Variants in CHODL observed in about 807,000 individuals in gnomAD.
The protein encoded by CHODL is chondrolectin.
Under a neutral mutation model 34.5 loss-of-function variants are expected in CHODL, and 29 were observed. The ratio of observed to expected loss-of-function variants is 0.84; its 90% CI spans 0.63 to 1.15. The LOEUF (loss-of-function observed/expected upper bound fraction) is 1.15. Ranked by LOEUF, CHODL falls within the 50% of genes most tolerant of loss-of-function variation. The pLI is 0.00. For missense variants in CHODL, 332 were observed against 332.5 expected (o/e 1.00, Z 0.01); for synonymous variants, 125 against 116.1 (o/e 1.08, Z -0.49).
chr21:18,216,721 C>T (rs2073832612), intron 2 of CHODL, among the ~76,000 whole-genome samples: 1 of 152,160 alleles, frequency 6.6e-6, no homozygotes, highest in African/African-American at 2.4e-5. Context: ...AATCAGGAAA[C>T]TTACAATTAT....
chr21:18,034,275 TAA>T (rs1328712877), intron 2 of CHODL, among the ~76,000 whole-genome samples: 3 of 152,170 alleles, frequency 2.0e-5, no homozygotes, highest in East Asian at 3.9e-4. Flanking sequence ...TTAGAAAACA[TAA>T]GAGTTTCTCT....
chr21:17,972,736 C>T (rs2063625473), intron 1 of CHODL, among the ~76,000 whole-genome samples: 1 of 152,162 alleles, frequency 6.6e-6, no homozygotes, highest in African/African-American at 2.4e-5. Flanking sequence ...TTTATAGATT[C>T]AATGCCATCC....
intron 2 of CHODL, among the ~76,000 whole-genome samples, chr21:18,161,316 C>T (rs1290454566): frequency 1.3e-5 from 2 of 152,140 alleles, no homozygotes; most frequent in Admixed American, 6.5e-5. Flanking sequence ...CTGATATTTG[C>T]AGAGTTTAAT....
At chr21:17,931,902 T>C (rs1179138448) in intron 1 of CHODL, among the ~76,000 whole-genome samples, 1 of 152,134 alleles carries the variant, frequency 6.6e-6, no homozygotes, top group African/African-American at 2.4e-5. Flanking sequence ...AGGCAAAACA[T>C]TTATGACTAA....
chr21:18,155,334 T>C (rs2073022659), intron 2 of CHODL, among the ~76,000 whole-genome samples: 1 of 152,196 alleles, frequency 6.6e-6, no homozygotes, highest in Non-Finnish European at 1.5e-5. Flanking sequence ...GAACCTGTCC[T>C]TGCAAACTCA....
chr21:18,261,410 A>T (rs1344329822), intron 4 of CHODL, among the ~76,000 whole-genome samples: 5 of 152,080 alleles, frequency 3.3e-5, no homozygotes, highest in Non-Finnish European at 1.5e-5. Flanking sequence ...TCACACCTGT[A>T]ATCCCAGCAC....
At chr21:18,205,832 G>T (rs76275419) in intron 2 of CHODL, among the ~76,000 whole-genome samples, 24,447 of 150,370 alleles carry the variant, frequency 0.16, 2,463 homozygotes, top group African/African-American at 0.29. Context: ...AGCCTCCCAC[G>T]TTCAAGTGAT....
chr21:18,121,632 A>G (rs1049328810), intron 2 of CHODL, among the ~76,000 whole-genome samples: 1 of 152,186 alleles, frequency 6.6e-6, no homozygotes, highest in African/African-American at 2.4e-5. Flanking sequence ...CTCTACTTTT[A>G]TCATAATCAC....
intron 1 of CHODL, among the ~76,000 whole-genome samples, chr21:18,007,076 GC>G: frequency 6.6e-6 from 1 of 152,098 alleles, no homozygotes; most frequent in East Asian, 1.9e-4. Flanking sequence ...GATTTCTATA[GC>G]AAATGTGTAC....
At position 18,265,992 on chromosome 21, in the gene CHODL, T is replaced by G; in HGVS notation, c.776T>G (p.Leu259Arg). ...RTKTSPNQST[L>R]WISKSTRKES... ...AAAACTAGTCCAAACCAGTCTACAC[T>G]GTGGATTTCAAAGAGTACCAGAAAA... is the stretch of plus-strand genomic sequence containing the variant. The change falls in exon 6 of 6, where the codon CTG (leucine) becomes CGG (arginine). Residue 259 changes from leucine to arginine, a missense_variant. Physicochemically the swap from Leu to Arg is moderately radical, Grantham distance 102. Transcript: ENST00000299295. The G allele has an allele frequency of 6.2e-7, 1 of 1,613,688 alleles. No homozygotes were observed.
At chr21:18,182,346 G>A (rs1237858331) in intron 2 of CHODL, among the ~76,000 whole-genome samples, 1 of 152,204 alleles carries the variant, frequency 6.6e-6, no homozygotes, top group East Asian at 1.9e-4. Context: ...GCTCTAGCTG[G>A]CTCTAAGGCC....
chr21:18,225,567 A>T (rs2073923694), intron 2 of CHODL, among the ~76,000 whole-genome samples: 1 of 152,180 alleles, frequency 6.6e-6, no homozygotes, highest in Non-Finnish European at 1.5e-5. Context: ...TATGTAGTTC[A>T]TTGTAAAATA....
chr21:18,265,871 CTGAGA>C (rs2074453749), intron 5 of CHODL, 78 bp from the exon 6 acceptor site: 5 of 1,088,648 alleles, frequency 4.6e-6, no homozygotes, highest in Non-Finnish European at 6.6e-6. Context: ...AAATAACTGT[CTGAGA>C]TATCTCCCTT....
At chr21:18,256,403 T>C (rs991558385) in intron 1 of CHODL, 106 bp from the exon 2 acceptor site, 3 of 1,045,772 alleles carry the variant, frequency 2.9e-6, no homozygotes, top group African/African-American at 3.2e-5. Flanking sequence ...GAAGCATTTC[T>C]GGTAATGTAT....
chr21:18,105,377 GA>G (rs1345095299), intron 2 of CHODL, among the ~76,000 whole-genome samples: 1 of 152,164 alleles, frequency 6.6e-6, no homozygotes, highest in East Asian at 1.9e-4. Flanking sequence ...GCTGACACCT[GA>G]CTTATGTGCC....
intron 5 of CHODL, among the ~76,000 whole-genome samples, chr21:18,265,362 G>C (rs560466900): frequency 2.0e-5 from 3 of 151,208 alleles, no homozygotes; most frequent in Admixed American, 1.3e-4. Flanking sequence ...GTGAATTAAC[G>C]GCATTCACAG....
intron 2 of CHODL, among the ~76,000 whole-genome samples, chr21:18,164,337 T>G (rs1321143472): frequency 1.3e-5 from 2 of 152,206 alleles, no homozygotes; most frequent in Non-Finnish European, 2.9e-5. Flanking sequence ...CAAGAAAGCT[T>G]AAAAAATTGC....
intron 1 of CHODL, among the ~76,000 whole-genome samples, chr21:17,945,007 G>A (rs1350817090): frequency 1.3e-5 from 2 of 152,052 alleles, no homozygotes; most frequent in African/African-American, 4.8e-5. Flanking sequence ...TCCGGAGATC[G>A]AGACCATCCT....
chr21:18,097,872 A>C (rs547947322), intron 2 of CHODL, among the ~76,000 whole-genome samples: 1 of 152,296 alleles, frequency 6.6e-6, no homozygotes, highest in South Asian at 2.1e-4. Context: ...AAACAGACAC[A>C]TAGACCAAAG....
Sources: allele counts gnomAD v4.1 joint callset (sites outside exome capture counted in the v4.1 genomes callset), GRCh38; gene constraint gnomAD v4.1.1; transcripts MANE v1.5; gene names NCBI Gene and HGNC (gene_info 2026-07-23, HGNC 2026-07-21).